CROT: variants seen among roughly 807,000 people sequenced by gnomAD.
CROT encodes carnitine O-octanoyltransferase.
A neutral mutation model predicts 89.2 loss-of-function variants in CROT; 84 were observed. The observed-to-expected ratio is 0.94, with a 90% confidence interval of 0.79 to 1.13. The LOEUF (loss-of-function observed/expected upper bound fraction) is 1.13. CROT is among the 50% of genes most tolerant of loss of function. The probability of loss-of-function intolerance (pLI) is 0.00; values close to 1 mark genes in which losing one functional copy is unlikely to be tolerated. For missense variants in CROT, 711 were observed against 727.8 expected, an observed-to-expected ratio of 0.98 and a Z score of 0.27; for synonymous variants, 212 against 239.5, an observed-to-expected ratio of 0.89 and a Z score of 1.06.
chr7:87,368,013 A>G (rs1005310606), intron 6 of CROT, among the ~76,000 whole-genome samples: 2 of 152,082 alleles, frequency 1.3e-5, no homozygotes, highest in South Asian at 2.1e-4. Context: ...TTTCCTTCCC[A>G]TCATACTGGA....
intron 6 of CROT, among the ~76,000 whole-genome samples, chr7:87,363,452 G>C (rs1806344674): frequency 6.6e-6 from 1 of 152,134 alleles, no homozygotes; most frequent in African/African-American, 2.4e-5. Flanking sequence ...GCTTTCTTTT[G>C]TTTAGTTCAC....
chr7:87,364,531 A>G (rs543175346), intron 6 of CROT, among the ~76,000 whole-genome samples: 11 of 152,372 alleles, frequency 7.2e-5, no homozygotes, highest in African/African-American at 2.6e-4. Context: ...CCCAGCTGGA[A>G]GAGATGAAAG....
chr7:87,366,174 T>A (rs1806440817), intron 6 of CROT, among the ~76,000 whole-genome samples: 1 of 152,160 alleles, frequency 6.6e-6, no homozygotes, highest in Admixed American at 6.5e-5. Context: ...ACCTTTTCTC[T>A]AAAAGATGTT....
intron 14 of CROT, 86 bp from the exon 15 acceptor site, chr7:87,392,480 A>T: frequency 1.0e-6 from 1 of 994,116 alleles, no homozygotes; most frequent in Admixed American, 2.0e-5. Flanking sequence ...AAATTACCCC[A>T]ATCCTAATTA....
At chr7:87,380,916 T>C (rs1282412696) in intron 10 of CROT, among the ~76,000 whole-genome samples, 7 of 152,230 alleles carry the variant, frequency 4.6e-5, no homozygotes, top group Non-Finnish European at 2.9e-5. Flanking sequence ...AGTCTTGTCA[T>C]GTGTGCTGTT....
intron 2 of CROT, among the ~76,000 whole-genome samples, 167 bp from the exon 3 acceptor site, chr7:87,348,881 G>A (rs1372932896): frequency 8.5e-5 from 13 of 152,190 alleles, no homozygotes; most frequent in Admixed American, 8.5e-4. Context: ...TTCTTTTTAA[G>A]TTGGTTTTCT....
chr7:87,372,059 A>G (rs1227259645), intron 7 of CROT, among the ~76,000 whole-genome samples: 1 of 151,854 alleles, frequency 6.6e-6, no homozygotes, highest in Non-Finnish European at 1.5e-5. Flanking sequence ...CAGGTGAAAA[A>G]TGGTTTTCAT....
chr7:87,377,453 A>G lies in CROT; in HGVS notation c.978+3A>G. 1 of 1,532,700 alleles carries G rather than the reference A, an allele frequency of 6.5e-7. No individual in the cohort carries two copies. Among genetic ancestry groups the G allele is most frequent in the Non-Finnish European group, 9.0e-7 (1 of 1,108,954 alleles). 94.9% of individuals were successfully genotyped at this position (1,532,700 alleles called of 1,614,324 possible). A position where few individuals can be genotyped will look rare whatever the true frequency, so the allele number is the denominator to read the frequency against. On this transcript the variant is annotated splice_donor_region_variant and intron_variant, in intron 10 of 17. Transcript: ENST00000331536. ...GAGTATTTGGCTGTAATTGTGATGT[A>G]AGTAAACTACTGAAATTTTTCTCTT...
At chr7:87,358,492 A>AC (rs1806170258) in intron 3 of CROT, among the ~76,000 whole-genome samples, 1 of 151,454 alleles carries the variant, frequency 6.6e-6, no homozygotes, top group Non-Finnish European at 1.5e-5. Context: ...AAAAAAAAAA[A>AC]AAAAAAAAGA....
At chr7:87,353,226 C>A (rs1260489243) in intron 3 of CROT, among the ~76,000 whole-genome samples, 1 of 152,008 alleles carries the variant, frequency 6.6e-6, no homozygotes, top group Non-Finnish European at 1.5e-5. Flanking sequence ...CAGCTCACTG[C>A]AACCTCTGCT....
chr7:87,366,319 T>C (rs1017198122), intron 6 of CROT, among the ~76,000 whole-genome samples: 1 of 152,114 alleles, frequency 6.6e-6, no homozygotes, highest in African/African-American at 2.4e-5. Context: ...CTGCCCTTTC[T>C]GTTTTCCCTT....
At position 87,393,077 on chromosome 7, in the gene CROT, C is replaced by T. The variant is rs1161476717; in HGVS notation, c.1718+10C>T. 1 of 1,610,472 alleles carries T rather than the reference C, an allele frequency of 6.2e-7. No individual in the cohort carries two copies. The highest frequency in any genetic ancestry group is 8.5e-7 in the Non-Finnish European group (1 of 1,178,772). The stretch of plus-strand genomic sequence containing the variant: ...ATATCAGAGATGACAGGTGAGGCTT[C>T]TCTTTTTTATTCTTTCTGTGCTATA... On this transcript the variant is annotated intron_variant, in intron 17 of 17. Coordinates refer to ENST00000331536, the MANE Select transcript of CROT (RefSeq NM_021151.4).
intron 13 of CROT, among the ~76,000 whole-genome samples, chr7:87,388,547 C>T (rs31640): frequency 0.86 from 131,629 of 152,200 alleles, 57,099 homozygotes; most frequent in Middle Eastern, 0.94. Flanking sequence ...ATTTAATAAA[C>T]GATGTTGGGA....
At chr7:87,350,950 T>G (rs925644347) in intron 3 of CROT, among the ~76,000 whole-genome samples, 3 of 151,900 alleles carry the variant, frequency 2.0e-5, no homozygotes, top group Non-Finnish European at 4.4e-5. Flanking sequence ...GAAAAAGGTG[T>G]TTTTTTTGTT....
rs1242768978 is a variant in CROT at position 87,398,900 on chromosome 7, A to G, written c.*256A>G. 2 of 383,620 alleles carry G rather than the reference A, an allele frequency of 5.2e-6. No homozygotes were observed. Among genetic ancestry groups the G allele is most frequent in the South Asian group, 3.7e-5 (1 of 26,894 alleles). The allele number at this position is 383,620 out of a possible 1,614,324, so 23.8% of individuals were successfully genotyped here. On this transcript the variant is annotated 3_prime_UTR_variant, in exon 18 of 18. Transcript: ENST00000331536. ...CATAGTGAATATAGAACTATGCAGT[A>G]TTTAAGCCTCAACAATCCAAATCTA...
intron 6 of CROT, among the ~76,000 whole-genome samples, chr7:87,367,665 G>A (rs1806487843): frequency 6.6e-6 from 1 of 152,088 alleles, no homozygotes; most frequent in African/African-American, 2.4e-5. Flanking sequence ...CTATATCTGT[G>A]CTGAGTCCCG....
chr7:87,345,967 T>C (rs1372767059), intron 1 of CROT, among the ~76,000 whole-genome samples, 200 bp downstream of exon 1: 1 of 152,174 alleles, frequency 6.6e-6, no homozygotes, highest in African/African-American at 2.4e-5. Context: ...TTTCTCTCAC[T>C]TGATGGCCTC....
rs188885185 is a variant in CROT at position 87,374,608 on chromosome 7, C to G, written c.657-1024C>G. ...AAAGTAAGCAGGAAGAGAGGCAAAGCAAGTTGCTCTGCTATAGATGCAGAT... is the reference window on the plus strand; with the variant it reads ...AAAGTAAGCAGGAAGAGAGGCAAAGGAAGTTGCTCTGCTATAGATGCAGAT... On this transcript the variant is annotated intron_variant, in intron 7 of 17. Transcript: ENST00000331536. Among the ~76,000 whole-genome samples, 394 of 152,086 alleles carry G rather than the reference C, an allele frequency of 2.6e-3. 1 individual carries two copies. Among genetic ancestry groups the G allele is most frequent in the African/African-American group, 8.9e-3 (371 of 41,542 alleles).
chr7:87,392,306 T>C (rs1377493852), intron 14 of CROT, among the ~76,000 whole-genome samples: 1 of 152,172 alleles, frequency 6.6e-6, no homozygotes, highest in East Asian at 1.9e-4. Context: ...GCTTTTATCT[T>C]TATACTTGTT....
Sources: allele counts gnomAD v4.1 joint callset (sites outside exome capture counted in the v4.1 genomes callset), GRCh38; gene constraint gnomAD v4.1.1; transcripts MANE v1.5; gene names NCBI Gene and HGNC (gene_info 2026-07-23, HGNC 2026-07-21).